The following SQSTM1 variants were observed in gnomAD, a reference collection of about 807,000 sequenced individuals.
The protein encoded by SQSTM1 is sequestosome 1, also known as sequestosome-1.
In SQSTM1, 36 loss-of-function variants were observed where a neutral mutation model predicts 45.1. The observed-to-expected ratio is 0.80, with a 90% CI of 0.61 to 1.05. SQSTM1 has a LOEUF of 1.05. Ranked by LOEUF, SQSTM1 falls within the 50% of genes least tolerant of loss-of-function variation. The probability of loss-of-function intolerance (pLI) is 0.00; values close to 1 mark genes in which losing one functional copy is unlikely to be tolerated. For missense variants in SQSTM1, 617 were observed against 607.1 expected (o/e 1.02, Z -0.17); for synonymous variants, 290 against 244.3 (o/e 1.19, Z -1.74).
chr5:179,815,847 A>T (rs1187045730), upstream of SQSTM1, among the ~76,000 whole-genome samples: 1 of 152,156 alleles, frequency 6.6e-6, no homozygotes. Context: ...TCAGGGTTAT[A>T]ACACATGGGA....
chr5:179,823,624 C>T (rs1005994310), intron 2 of SQSTM1: 9 of 586,464 alleles, frequency 1.5e-5, no homozygotes, highest in Middle Eastern at 4.5e-4. Flanking sequence ...GCTGTGCAGA[C>T]AGGGCTCCTT....
chr5:179,810,914 AG>A (rs914106992), intron 1 of SQSTM1, among the ~76,000 whole-genome samples: 1 of 151,952 alleles, frequency 6.6e-6, no homozygotes, highest in African/African-American at 2.4e-5. Flanking sequence ...AATTTTTTTA[AG>A]GAAAAAAAAA....
intron 5 of SQSTM1, among the ~76,000 whole-genome samples, chr5:179,826,094 C>T (rs866176987): frequency 8.6e-5 from 13 of 151,846 alleles, no homozygotes; most frequent in African/African-American, 3.1e-4. Flanking sequence ...CTAGGAGGGG[C>T]GTCCGAACCA....
chr5:179,822,937 G>A (rs377387994), intron 1 of SQSTM1, 21 bp from the exon 2 acceptor site: 80 of 1,611,510 alleles, frequency 5.0e-5, no homozygotes, highest in Middle Eastern at 1.6e-4. Context: ...GTGCTCACGT[G>A]CTGTCTTTTA....
rs1212324197 is a variant in SQSTM1 at position 179,837,903 on chromosome 5, C to G, written c.*1310C>G. 1 of 1,594,978 alleles carries G rather than the reference C, an allele frequency of 6.3e-7. No individual in the cohort carries two copies. The highest frequency in any genetic ancestry group is 8.5e-7 in the Non-Finnish European group (1 of 1,175,778). ...GCCTGTCCCTGAAAGAGAAGATGGC[C>G]ATGCCCTCCATGTGTAAGAACAATG... is the stretch of plus-strand genomic sequence containing the variant. On this transcript the variant is annotated 3_prime_UTR_variant, in exon 8 of 8. Transcript: ENST00000389805.
At chr5:179,824,451 C>A (rs1055202271) in intron 4 of SQSTM1, 128 bp downstream of exon 4, 31 of 1,369,106 alleles carry the variant, frequency 2.3e-5, no homozygotes, top group Non-Finnish European at 2.9e-5. Context: ...TGGTGCCCTA[C>A]AATCACACAA....
chr5:179,831,838 C>T lies in SQSTM1; in HGVS notation c.755-1194C>T, dbSNP rs1161936074. 8.6e-5 allele frequency among the ~76,000 whole-genome samples: 13 copies of T among 150,864 alleles called. No individual in the cohort carries two copies. In the East Asian group the frequency reaches 9.9e-4, roughly 11 times the overall value. On this transcript the variant is annotated intron_variant, in intron 5 of 7. Coordinates refer to ENST00000389805, the MANE Select transcript of SQSTM1 (RefSeq NM_003900.5). ...CTTGCTCTGTCACCAGGCTGGAGTG[C>T]AGTGGCGCCAACTTGGCTCACTGCA... is the stretch of plus-strand genomic sequence containing the variant.
rs921466707 is a variant in SQSTM1, at chr5:179,833,688, G to A, written c.1071G>A (p.Gln357=). Residue 357 remains glutamine, a synonymous_variant, in exon 7 of 8, where the codon CAG becomes CAA. Coordinates refer to ENST00000389805, the MANE Select transcript of SQSTM1 (RefSeq NM_003900.5). ...DPSTGELQSL[Q]MPESEGPSSL... ...CTACAGGTGAACTCCAGTCCCTACA[G>A]ATGCCAGAATCCGAAGGGCCAAGCT... 17 of 1,614,072 alleles carry A rather than the reference G, an allele frequency of 1.1e-5. No individual in the cohort carries two copies. The highest frequency in any genetic ancestry group is 1.4e-5 in the Non-Finnish European group (17 of 1,180,036).
At chr5:179,820,872 C>A (rs1193633501), upstream of SQSTM1, 4 of 1,371,834 alleles carry the variant, frequency 2.9e-6, no homozygotes, top group Non-Finnish European at 2.8e-6. Flanking sequence ...CCTCCGCGTT[C>A]GCTACAAAAG....
At position 179,824,437 on chromosome 5, in the gene SQSTM1, T is replaced by C; in HGVS notation, c.673+114T>C. The C allele has an allele frequency of 5.5e-6, 8 of 1,459,868 alleles. No individual in the cohort carries two copies. In the South Asian group the frequency reaches 5.8e-5, roughly 11 times the overall value. The allele number at this position is 1,459,868 out of a possible 1,614,324, so 90.4% of individuals were successfully genotyped here. The stretch of plus-strand genomic sequence containing the variant: ...GCAAGAATTCAGGATACCCCCCACC[T>C]TCCTGGTGCCCTACAATCACACAAG... On this transcript the variant is annotated intron_variant, in intron 4 of 7. Coordinates refer to ENST00000389805, the MANE Select transcript of SQSTM1 (RefSeq NM_003900.5).
At chr5:179,825,329 C>A in intron 5 of SQSTM1, 103 bp downstream of exon 5, 1 of 1,038,546 alleles carries the variant, frequency 9.6e-7, no homozygotes, top group Non-Finnish European at 1.5e-6. Context: ...ATGCCCTTGA[C>A]ACTGGTGAGG....
chr5:179,823,096 G>A (rs1172805798), intron 2 of SQSTM1, 43 bp downstream of exon 2: 1 of 1,564,912 alleles, frequency 6.4e-7, no homozygotes, highest in Admixed American at 1.7e-5. Flanking sequence ...AGCTCAGCTT[G>A]TACTCAGTTC....
chr5:179,812,564 C>T (rs1486837967), intron 2 of SQSTM1: 2 of 152,264 alleles, frequency 1.3e-5, no homozygotes, highest in Non-Finnish European at 2.9e-5. Context: ...TGGAGCCCGT[C>T]TATGGTTTCA....
intron 1 of SQSTM1, among the ~76,000 whole-genome samples, chr5:179,810,053 G>C: frequency 6.6e-6 from 1 of 151,978 alleles, no homozygotes; most frequent in Non-Finnish European, 1.5e-5. Context: ...CAGAGTGCTG[G>C]GATTACAGGC....
At chr5:179,813,291 C>G (rs939209109) in intron 2 of SQSTM1, 1 of 152,224 alleles carries the variant, frequency 6.6e-6, no homozygotes, top group Non-Finnish European at 1.5e-5. Flanking sequence ...ACTCTGACAA[C>G]TTGTAATGGG....
chr5:179,838,005 G>C lies in SQSTM1; in HGVS notation c.*1412G>C. The C allele has an allele frequency of 2.1e-6, 2 of 938,896 alleles. No individual in the cohort carries two copies. Among genetic ancestry groups the C allele is most frequent in the Non-Finnish European group, 3.1e-6 (2 of 637,698 alleles). The allele number at this position is 938,896 out of a possible 1,614,324, so 58.2% of individuals were successfully genotyped here. On this transcript the variant is annotated 3_prime_UTR_variant, in exon 8 of 8. Transcript: ENST00000389805. The stretch of plus-strand genomic sequence containing the variant: ...GTTCTGACACTTTCTGCTGGAAGCT[G>C]TCAGGCTGGGACAGGCTTTGATTTT...
At chr5:179,834,538 T>C (rs932970094) in intron 7 of SQSTM1, among the ~76,000 whole-genome samples, 6 of 151,694 alleles carry the variant, frequency 4.0e-5, no homozygotes, top group Admixed American at 1.3e-4. Flanking sequence ...GTCTCTGGTT[T>C]TCCTAGGCAG....
At position 179,833,231 on chromosome 5, in the gene SQSTM1, C is replaced by G; in HGVS notation, c.954C>G (p.Ser318=). 1 of 1,588,666 alleles carries G rather than the reference C, an allele frequency of 6.3e-7. No homozygotes were observed. Among genetic ancestry groups the G allele is most frequent in the South Asian group, 1.1e-5 (1 of 88,922 alleles). ...AEQMRKIALE[S]EGRPEEQMES... ...AGATGAGGAAGATCGCCTTGGAGTC[C>G]GAGGGGCGCCCTGAGGCAAGCCTGT... is the stretch of plus-strand genomic sequence containing the variant. The change falls in exon 6 of 8, where the codon TCC becomes TCG. Residue 318 remains serine (S), a synonymous_variant. Coordinates refer to ENST00000389805, the MANE Select transcript of SQSTM1 (RefSeq NM_003900.5).
chr5:179,825,271 C>T (rs373096067), intron 5 of SQSTM1, 45 bp downstream of exon 5: 11 of 1,470,496 alleles, frequency 7.5e-6, no homozygotes, highest in African/African-American at 4.2e-5. Flanking sequence ...TCAGCCTGCA[C>T]TTTATGTAAC....
Sources: gnomAD v4.1 joint callset for allele counts (sites outside exome capture counted in the v4.1 genomes callset) on GRCh38, gnomAD v4.1.1 for gene constraint, MANE v1.5 for transcripts, NCBI Gene and HGNC (gene_info 2026-07-23, HGNC 2026-07-21) for gene names.